The following MATN2 variants were observed in gnomAD, a reference collection of about 807,000 sequenced individuals.
MATN2 encodes the protein matrilin 2.
In MATN2, 69 loss-of-function variants were observed where a neutral mutation model predicts 103.2. The observed-to-expected ratio is 0.67, with a 90% CI of 0.55 to 0.82. MATN2 has a LOEUF of 0.82. Among genes scored for constraint, MATN2 ranks in the 40% least tolerant of loss-of-function variants. The pLI is 0.00. For synonymous variants in MATN2, 429 were observed against 450.2 expected, an observed-to-expected ratio of 0.95 and a Z score of 0.60; for missense variants, 1,023 against 1,211.5, an observed-to-expected ratio of 0.84 and a Z score of 2.31.
rs536601427 is a variant in MATN2, at chr8:97,888,226, G to A, written c.126G>A (p.Pro42=). The A allele has an allele frequency of 5.8e-6, 9 of 1,564,812 alleles. No homozygotes were observed. The highest frequency in any genetic ancestry group is 2.4e-5 in the East Asian group (1 of 42,408). Residue 42 remains proline (P), a synonymous_variant, in exon 2 of 19, where the codon CCG becomes CCA. Coordinates refer to ENST00000254898, the MANE Select transcript of MATN2 (RefSeq NM_002380.5). ...GGGGCAGACACGCTCGGACCCACCCGCAGACGGCCCTTCTGGGTGAGTGGT... is the reference window on the plus strand; with the variant it reads ...GGGGCAGACACGCTCGGACCCACCCACAGACGGCCCTTCTGGGTGAGTGGT... ...ISRGRHARTH[P]QTALLESSCE... is the part of the protein sequence containing the mutation.
At chr8:97,928,821 G>A (rs1220115661) in intron 2 of MATN2, among the ~76,000 whole-genome samples, 1 of 152,182 alleles carries the variant, frequency 6.6e-6, no homozygotes, top group Non-Finnish European at 1.5e-5. Context: ...GGTGGATATT[G>A]GTTGCACCTC....
intron 6 of MATN2, among the ~76,000 whole-genome samples, chr8:97,986,417 C>T (rs1190860602): frequency 6.6e-6 from 1 of 152,128 alleles, no homozygotes; most frequent in African/African-American, 2.4e-5. Flanking sequence ...ATACATAGTA[C>T]CCAATGTGTA....
chr8:97,936,231 C>G (rs1810365087), intron 3 of MATN2, among the ~76,000 whole-genome samples: 1 of 152,144 alleles, frequency 6.6e-6, no homozygotes, highest in African/African-American at 2.4e-5. Flanking sequence ...AACGCTGTCC[C>G]CAGTGTTCTG....
intron 3 of MATN2, among the ~76,000 whole-genome samples, chr8:97,938,873 T>G (rs2130172760): frequency 6.6e-6 from 1 of 152,206 alleles, no homozygotes; most frequent in Admixed American, 6.5e-5. Context: ...TAAAAACATC[T>G]TATTTTTTGT....
Position 98,027,530 on chromosome 8 carries a change from C to T in MATN2, c.2057C>T (p.Thr686Ile). 6.2e-7 allele frequency: 1 copy of T among 1,613,890 alleles called. No individual in the cohort carries two copies. The highest frequency in any genetic ancestry group is 8.5e-7 in the Non-Finnish European group (1 of 1,179,876). The part of the protein sequence containing the change: ...QFVTGIIDSL[T>I]ISPKAARVGL... ...GTCACTGGAATTATAGATTCCTTGA[C>T]AATTTCCCCCAAAGCCGCTCGAGTG... Residue 686 changes from threonine to isoleucine, a missense_variant, in exon 14 of 19, where the codon ACA becomes ATA. Transcript: ENST00000254898.
At chr8:97,874,969 A>G (rs1008308954) in intron 1 of MATN2, among the ~76,000 whole-genome samples, 1 of 150,486 alleles carries the variant, frequency 6.6e-6, no homozygotes, top group Non-Finnish European at 1.5e-5. Flanking sequence ...GTCCGCCTCG[A>G]CCTCCCAAAA....
intron 2 of MATN2, among the ~76,000 whole-genome samples, chr8:97,893,663 G>T (rs954171127): frequency 6.6e-6 from 1 of 151,498 alleles, no homozygotes; most frequent in African/African-American, 2.4e-5. Flanking sequence ...TGCAACCTCC[G>T]CCTCCCAGGT....
At chr8:98,020,688 A>G (rs913814366) in intron 12 of MATN2, among the ~76,000 whole-genome samples, 1 of 152,138 alleles carries the variant, frequency 6.6e-6, no homozygotes, top group Non-Finnish European at 1.5e-5. Flanking sequence ...CATGCTATGG[A>G]GGAGCACTCG....
At chr8:97,897,169 G>C (rs1392427327) in intron 2 of MATN2, among the ~76,000 whole-genome samples, 1 of 152,242 alleles carries the variant, frequency 6.6e-6, no homozygotes, top group East Asian at 1.9e-4. Flanking sequence ...GATTCAGTAG[G>C]TCTGGGTTGG....
intron 12 of MATN2, among the ~76,000 whole-genome samples, chr8:98,019,489 C>T (rs1437372716): frequency 6.6e-6 from 1 of 152,206 alleles, no homozygotes; most frequent in East Asian, 1.9e-4. Context: ...TGATCTGCTT[C>T]ACTCAAAGTC....
At chr8:97,883,947 C>A (rs1818338808) in intron 1 of MATN2, among the ~76,000 whole-genome samples, 1 of 152,150 alleles carries the variant, frequency 6.6e-6, no homozygotes, top group South Asian at 2.1e-4. Context: ...GCCACTGCAC[C>A]CCAGCCTTTT....
At position 97,923,039 on chromosome 8, in the gene MATN2, C is replaced by T. The variant is rs554432976; in HGVS notation, c.143-7914C>T. Among the ~76,000 whole-genome samples, 3 of 152,304 alleles carry T rather than the reference C, an allele frequency of 2.0e-5. No homozygotes were observed. The South Asian group carries it at 6.2e-4, about 32-fold the overall frequency. ...GGGAATCTGCCTTATTAGGGTCAGT[C>T]GTTTGCCTTGCTGAGATCCATACTA... On this transcript the variant is annotated intron_variant, in intron 2 of 18. Transcript: ENST00000254898.
intron 7 of MATN2, among the ~76,000 whole-genome samples, chr8:97,996,388 T>C (rs1355465314): frequency 1.3e-5 from 2 of 151,958 alleles, no homozygotes; most frequent in African/African-American, 4.8e-5. Flanking sequence ...GTGACCGTTT[T>C]GGAGTGGTCT....
At chr8:97,919,941 A>G (rs964434418) in intron 2 of MATN2, among the ~76,000 whole-genome samples, 2 of 152,232 alleles carry the variant, frequency 1.3e-5, no homozygotes, top group African/African-American at 4.8e-5. Flanking sequence ...ATAGGTGACC[A>G]CAGGGCTGAG....
At chr8:97,926,326 G>C (rs1809989334) in intron 2 of MATN2, among the ~76,000 whole-genome samples, 1 of 152,170 alleles carries the variant, frequency 6.6e-6, no homozygotes, top group Non-Finnish European at 1.5e-5. Context: ...GTCAGCATAA[G>C]AAGAACACAC....
At chr8:97,884,228 C>G (rs1418750851) in intron 1 of MATN2, among the ~76,000 whole-genome samples, 1 of 151,240 alleles carries the variant, frequency 6.6e-6, no homozygotes, top group Admixed American at 6.6e-5. Flanking sequence ...GCAGCCTTCA[C>G]CTTCCGGGTT....
At chr8:97,933,524 TC>T (rs1184873978) in intron 3 of MATN2, among the ~76,000 whole-genome samples, 9 of 54,890 alleles carry the variant, frequency 1.6e-4, no homozygotes, top group South Asian at 9.5e-4. Flanking sequence ...ACCGCCCCCC[TC>T]CCCCCACCCC....
In MATN2 at chr8:97,961,421, T is replaced by G; in HGVS notation, c.849T>G (p.Cys283Trp). The change falls in exon 5 of 19, where the codon TGT (cysteine) becomes TGG (tryptophan). Residue 283 changes from cysteine (C) to tryptophan (W), a missense_variant. Physicochemically the swap from Cys to Trp is radical, Grantham distance 215. Coordinates refer to ENST00000254898, the MANE Select transcript of MATN2 (RefSeq NM_002380.5). Reference sequence around the variant, plus strand: ...ACTTTGCCTCAGTCCAGGATCTGTGTGCCATGGAGGACCACAACTGTGAGC... The same window carrying G: ...ACTTTGCCTCAGTCCAGGATCTGTGGGCCATGGAGGACCACAACTGTGAGC... ...DQTTCRIQDL[C>W]AMEDHNCEQL... The G allele has an allele frequency of 1.1e-5, 17 of 1,613,146 alleles. No homozygotes were observed. The highest frequency in any genetic ancestry group is 1.4e-5 in the Non-Finnish European group (17 of 1,179,506).
intron 4 of MATN2, among the ~76,000 whole-genome samples, chr8:97,946,343 A>G (rs1387521312): frequency 6.6e-6 from 1 of 152,198 alleles, no homozygotes; most frequent in Non-Finnish European, 1.5e-5. Context: ...TTGTGTCTAT[A>G]TGGGCAATTT....
Sources: allele counts gnomAD v4.1 joint callset (sites outside exome capture counted in the v4.1 genomes callset), GRCh38; gene constraint gnomAD v4.1.1; transcripts MANE v1.5; gene names NCBI Gene and HGNC (gene_info 2026-07-23, HGNC 2026-07-21).